The following CNTNAP5 variants were observed in gnomAD, a reference collection of about 807,000 sequenced individuals.
CNTNAP5 encodes the protein contactin associated protein family member 5.
Under a neutral mutation model 150.2 loss-of-function variants are expected in CNTNAP5, and 72 were observed. The ratio of observed to expected loss-of-function variants is 0.48; its 90% CI spans 0.40 to 0.58. The LOEUF (loss-of-function observed/expected upper bound fraction) is 0.58. Ranked by LOEUF, CNTNAP5 falls within the 20% of genes least tolerant of loss-of-function variation. CNTNAP5 has a pLI of 0.00. For missense variants in CNTNAP5, 1,636 were observed against 1,626.2 expected (o/e 1.01, Z -0.10); for synonymous variants, 672 against 619.8 (o/e 1.08, Z -1.25).
chr2:124,349,876 T>TTTTC (rs1689831906), intron 3 of CNTNAP5, among the ~76,000 whole-genome samples: 7 of 45,526 alleles, frequency 1.5e-4, no homozygotes, highest in Non-Finnish European at 3.1e-4. Flanking sequence ...GGCTATTTCT[T>TTTTC]TTTTTTTTTT....
At chr2:124,765,146 A>T (rs1285133032) in intron 16 of CNTNAP5, among the ~76,000 whole-genome samples, 2 of 152,168 alleles carry the variant, frequency 1.3e-5, no homozygotes, top group Non-Finnish European at 2.9e-5. Context: ...ATTTCATTTT[A>T]TACTAAATTA....
At chr2:124,730,770 T>C (rs1680253691) in intron 13 of CNTNAP5, among the ~76,000 whole-genome samples, 1 of 152,094 alleles carries the variant, frequency 6.6e-6, no homozygotes, top group African/African-American at 2.4e-5. Flanking sequence ...TTGTGGGGTA[T>C]TATGGAATAG....
In CNTNAP5 at chr2:124,497,734, G is replaced by T. The variant is rs541419207; in HGVS notation, c.1063-6558G>T. Among the ~76,000 whole-genome samples, 4 of 152,300 alleles carry T rather than the reference G, an allele frequency of 2.6e-5. No homozygotes were observed. The East Asian group carries it at 7.7e-4, about 29-fold the overall frequency. On this transcript the variant is annotated intron_variant, in intron 7 of 23. Transcript: ENST00000682447. ...GACCAATGAACATACGAGAGTCCAG[G>T]TTTAGGAATGTTTGACTAACATGGA...
At chr2:124,223,917 C>A (rs1686393018) in intron 2 of CNTNAP5, among the ~76,000 whole-genome samples, 1 of 151,384 alleles carries the variant, frequency 6.6e-6, no homozygotes, top group African/African-American at 2.4e-5. Flanking sequence ...AGTGCATATT[C>A]CAAGACTCCC....
rs185367710 is a variant in CNTNAP5 at position 124,915,673 on chromosome 2, G to A, written c.*1385G>A. Among the ~76,000 whole-genome samples, 316 of 152,120 alleles carry A rather than the reference G, an allele frequency of 2.1e-3. 4 individuals carry two copies. The highest frequency in any genetic ancestry group is 7.4e-3 in the African/African-American group (308 of 41,544). ...TAGGCTTAAACTCCCAAAAGAGGTG[G>A]TGACAAATTTCAGGGTCTTTGTCCC... is the stretch of plus-strand genomic sequence containing the variant. On this transcript the variant is annotated 3_prime_UTR_variant, in exon 24 of 24. Transcript: ENST00000682447.
chr2:124,787,633 C>T lies in CNTNAP5; in HGVS notation c.2753-2269C>T, dbSNP rs920440388. Among the ~76,000 whole-genome samples, 25 of 152,202 alleles carry T rather than the reference C, an allele frequency of 1.6e-4. No individual in the cohort carries two copies. The South Asian group carries it at 2.1e-3, about 13-fold the overall frequency. On this transcript the variant is annotated intron_variant, in intron 17 of 23. Transcript: ENST00000682447. ...GAAAAACAGCCCTTCTCTCCCCACTCTCCCCTGCCCCATGTCCCCCTCACA... is the reference window on the plus strand; with the variant it reads ...GAAAAACAGCCCTTCTCTCCCCACTTTCCCCTGCCCCATGTCCCCCTCACA...
chr2:124,313,061 G>C (rs1019788247), intron 3 of CNTNAP5, among the ~76,000 whole-genome samples: 1 of 152,200 alleles, frequency 6.6e-6, no homozygotes, highest in African/African-American at 2.4e-5. Flanking sequence ...TCTGGGCTCT[G>C]AATAGACTGG....
chr2:124,865,897 T>C (rs1327634661), intron 20 of CNTNAP5, among the ~76,000 whole-genome samples: 1 of 150,126 alleles, frequency 6.7e-6, no homozygotes, highest in Non-Finnish European at 1.5e-5. Context: ...TGAGCAGAAA[T>C]CACGCCATTG....
In CNTNAP5 at chr2:124,708,105, TTTAA is replaced by T. The variant is rs1573562742; in HGVS notation, c.2078-39118_2078-39115del. ...ACTAGGCTTATGATGTTCTTTGAGT[TTTAA>T]TTAATAGGCTAAAAACTCAAGTGAA... On this transcript the variant is annotated intron_variant, in intron 13 of 23. Coordinates refer to ENST00000682447, the MANE Select transcript of CNTNAP5 (RefSeq NM_001367498.1). Among the ~76,000 whole-genome samples the T allele has an allele frequency of 3.9e-5, 6 of 152,298 alleles. No homozygotes were observed. In the East Asian group the frequency reaches 1.2e-3, roughly 29 times the overall value.
At chr2:124,138,396 C>T (rs1684027586) in intron 1 of CNTNAP5, among the ~76,000 whole-genome samples, 2 of 152,198 alleles carry the variant, frequency 1.3e-5, no homozygotes, top group South Asian at 4.1e-4. Context: ...ACAATACTGT[C>T]TGAGGGAGCC....
At chr2:124,090,792 A>G (rs542490133) in intron 1 of CNTNAP5, among the ~76,000 whole-genome samples, 2 of 152,330 alleles carry the variant, frequency 1.3e-5, no homozygotes, top group East Asian at 3.9e-4. Context: ...ATTATCAGCC[A>G]TAATTTTTAC....
chr2:124,275,801 C>T (rs1305115505), intron 3 of CNTNAP5, among the ~76,000 whole-genome samples: 1 of 152,130 alleles, frequency 6.6e-6, no homozygotes, highest in African/African-American at 2.4e-5. Context: ...TGCATGCTTA[C>T]TCAATTTCAG....
At chr2:124,178,510 G>A (rs1573814362) in intron 1 of CNTNAP5, among the ~76,000 whole-genome samples, 1 of 152,164 alleles carries the variant, frequency 6.6e-6, no homozygotes. Flanking sequence ...GTTCCTACAT[G>A]CTGAGATCTC....
intron 19 of CNTNAP5, among the ~76,000 whole-genome samples, chr2:124,833,614 A>G (rs1482495153): frequency 2.0e-5 from 3 of 152,168 alleles, no homozygotes; most frequent in Non-Finnish European, 1.5e-5. Flanking sequence ...ATGGCTCTGT[A>G]ACAGTGTTTC....
intron 13 of CNTNAP5, among the ~76,000 whole-genome samples, chr2:124,738,439 A>G (rs1268175483): frequency 6.6e-6 from 1 of 152,194 alleles, no homozygotes; most frequent in Non-Finnish European, 1.5e-5. Context: ...CACATTGGAA[A>G]GTATCAAGGT....
intron 1 of CNTNAP5, among the ~76,000 whole-genome samples, chr2:124,115,172 A>G (rs1683394451): frequency 2.0e-5 from 3 of 152,160 alleles, no homozygotes; most frequent in Admixed American, 2.0e-4. Flanking sequence ...AGGATGACAT[A>G]TATAGAAATG....
chr2:124,663,160 A>T (rs186824693), intron 13 of CNTNAP5, among the ~76,000 whole-genome samples: 38 of 152,322 alleles, frequency 2.5e-4, no homozygotes, highest in African/African-American at 9.1e-4. Context: ...TAACTGTAGG[A>T]TTACACACCA....
chr2:124,597,552 CT>C, intron 11 of CNTNAP5, among the ~76,000 whole-genome samples: 1 of 151,160 alleles, frequency 6.6e-6, no homozygotes, highest in African/African-American at 2.4e-5. Flanking sequence ...GTAACCCGAA[CT>C]TTTTCTCTGG....
intron 11 of CNTNAP5, among the ~76,000 whole-genome samples, chr2:124,588,233 TTTCTTC>T (rs1264141673): frequency 6.7e-6 from 1 of 148,894 alleles, no homozygotes; most frequent in Non-Finnish European, 1.5e-5. Flanking sequence ...TCTTTCTTTC[TTTCTTC>T]TTTCTTTATT....
Sources: gnomAD v4.1 joint callset for allele counts (sites outside exome capture counted in the v4.1 genomes callset) on GRCh38, gnomAD v4.1.1 for gene constraint, MANE v1.5 for transcripts, NCBI Gene and HGNC (gene_info 2026-07-23, HGNC 2026-07-21) for gene names.